The following NECAB2 variants were observed in gnomAD, a reference collection of about 807,000 sequenced individuals.
NECAB2 encodes the protein N-terminal EF-hand calcium-binding protein 2.
In NECAB2, 68 loss-of-function variants were observed where a neutral mutation model predicts 51.9. The ratio of observed to expected loss-of-function variants is 1.31; its 90% confidence interval spans 1.08 to 1.60. The LOEUF (loss-of-function observed/expected upper bound fraction) is 1.60, where lower values mean the gene tolerates loss of function less well. NECAB2 is among the 40% of genes most tolerant of loss of function. The pLI is 0.00. For missense variants in NECAB2, 854 were observed against 490.3 expected (o/e 1.74, Z -7.00); for synonymous variants, 329 against 203.5 (o/e 1.62, Z -5.25).
upstream of NECAB2, chr16:83,965,432 C>T (rs759145242): frequency 3.8e-6 from 6 of 1,590,694 alleles, no homozygotes; most frequent in African/African-American, 8.0e-5. Flanking sequence ...GGCCTCAGAC[C>T]CTGTCCTCAT....
In NECAB2 at chr16:84,001,841, C is replaced by A. The variant is rs2271298; in HGVS notation, c.1057C>A (p.Leu353Met). The change falls in exon 12 of 13, where the codon CTG (leucine) becomes ATG (methionine). Residue 353 changes from leucine to methionine, a missense_variant. Leu to Met is a conservative substitution (Grantham distance 15, BLOSUM62 2). Coordinates refer to ENST00000305202, the MANE Select transcript of NECAB2 (RefSeq NM_019065.3). ...GCGTCACAGGCACCTGCAGAGCCCC[C>A]TGTGTAAGGCGTTCCGGCACGTCAA... is the stretch of plus-strand genomic sequence containing the variant. ...EAWKRHLQSPLCKAFRHVKVD... is the reference protein window; with the variant it reads ...EAWKRHLQSPMCKAFRHVKVD... 4.2e-5 allele frequency: 67 copies of A among 1,613,860 alleles called. No homozygotes were observed. Among genetic ancestry groups the A allele is most frequent in the South Asian group, 8.8e-5 (8 of 91,084 alleles).
chr16:83,968,994 C>G (rs1188633410), intron 1 of NECAB2, 145 bp downstream of exon 1: 1 of 364,052 alleles, frequency 2.7e-6, no homozygotes, highest in Non-Finnish European at 4.0e-6. Flanking sequence ...CGTGCCGGAG[C>G]GGGAGCCCCC....
At chr16:83,989,625 C>A (rs2084596604) in intron 5 of NECAB2, among the ~76,000 whole-genome samples, 1 of 152,086 alleles carries the variant, frequency 6.6e-6, no homozygotes. Context: ...CCCAAGATCC[C>A]CCAACACAGC....
chr16:83,968,688 C>T lies in NECAB2; in HGVS notation c.40C>T (p.His14Tyr). ...GGCGCGCCTGTGCAGGGCCGGCGCGCACAGGCTGCTCCGGGAGCCGCCGCA... is the reference window on the plus strand; with the variant it reads ...GGCGCGCCTGTGCAGGGCCGGCGCGTACAGGCTGCTCCGGGAGCCGCCGCA... The part of the protein sequence containing the change: ...RAARLCRAGA[H>Y]RLLREPPQQG... The change falls in exon 1 of 13, where the codon CAC becomes TAC. Residue 14 changes from histidine (H) to tyrosine (Y), a missense_variant. Coordinates refer to ENST00000305202, the MANE Select transcript of NECAB2 (RefSeq NM_019065.3). 1.0e-6 allele frequency: 1 copy of T among 992,482 alleles called. No homozygotes were observed. Among genetic ancestry groups the T allele is most frequent in the Non-Finnish European group, 1.2e-6 (1 of 836,450 alleles). 61.5% of individuals were successfully genotyped at this position (992,482 alleles called of 1,614,324 possible).
chr16:84,000,623 C>T (rs188636325), intron 10 of NECAB2, 101 bp from the exon 11 acceptor site: 55 of 842,812 alleles, frequency 6.5e-5, no homozygotes, highest in African/African-American at 2.5e-4. Context: ...TGAAGGCAGC[C>T]GTTGTGTATA....
At chr16:83,973,838 G>C (rs961804137) in intron 2 of NECAB2, among the ~76,000 whole-genome samples, 1 of 152,146 alleles carries the variant, frequency 6.6e-6, no homozygotes, top group Admixed American at 6.5e-5. Context: ...TTGGGAATGC[G>C]TGTGTCCAGC....
At chr16:83,998,135 G>T in intron 9 of NECAB2, 70 bp from the exon 10 acceptor site, 2 of 1,380,204 alleles carry the variant, frequency 1.4e-6, no homozygotes, top group East Asian at 2.4e-5. Flanking sequence ...GAGGTCATGG[G>T]GGCCTGATGG....
intron 1 of NECAB2, among the ~76,000 whole-genome samples, chr16:83,970,599 G>C: frequency 6.6e-6 from 1 of 152,296 alleles, no homozygotes; most frequent in East Asian, 1.9e-4. Context: ...ACCCCAAGGC[G>C]AGGACAGAGG....
chr16:83,997,178 C>A (rs762107607), intron 8 of NECAB2, 38 bp from the exon 9 acceptor site: 2 of 1,613,546 alleles, frequency 1.2e-6, no homozygotes, highest in Non-Finnish European at 1.7e-6. Context: ...CGGAGTGGGG[C>A]TCTGGGTCTA....
Position 83,990,947 on chromosome 16 carries a change from C to T in NECAB2, c.596+317C>T, listed in dbSNP as rs181031357. Among the ~76,000 whole-genome samples the T allele has an allele frequency of 1.9e-3, 286 of 152,216 alleles. 4 individuals carry two copies. The highest frequency in any genetic ancestry group is 0.015 in the Admixed American group (228 of 15,292). Reference sequence around the variant, plus strand: ...TGCATCCACATGCTAATTGTTTATGCAGAACTATTCTGTTGTTTGGCCCAC... The same window carrying T: ...TGCATCCACATGCTAATTGTTTATGTAGAACTATTCTGTTGTTTGGCCCAC... On this transcript the variant is annotated intron_variant, in intron 6 of 12. Coordinates refer to ENST00000305202, the MANE Select transcript of NECAB2 (RefSeq NM_019065.3).
chr16:83,994,461 G>T lies in NECAB2; in HGVS notation c.715+41G>T, dbSNP rs551623990. ...GGCCCTGGTGGGGGTACCAGCTGGG[G>T]GTCCCGAGGAGTTCTGAGAGTCCTC... is the stretch of plus-strand genomic sequence containing the variant. On this transcript the variant is annotated intron_variant, in intron 7 of 12. Transcript: ENST00000305202. 2.5e-6 allele frequency: 4 copies of T among 1,606,748 alleles called. No individual in the cohort carries two copies. In the East Asian group the frequency reaches 8.9e-5, roughly 36 times the overall value.
intron 5 of NECAB2, among the ~76,000 whole-genome samples, chr16:83,985,790 C>G (rs1041746474): frequency 4.7e-4 from 72 of 152,008 alleles, no homozygotes; most frequent in African/African-American, 1.6e-3. Context: ...AAGGTTTCTA[C>G]TCTATTTTTT....
chr16:83,966,615 A>G (rs976797416), upstream of NECAB2, among the ~76,000 whole-genome samples: 16 of 151,942 alleles, frequency 1.1e-4, no homozygotes, highest in African/African-American at 3.9e-4. Context: ...AGCCTGTCCC[A>G]GGCCTCCCTC....
intron 5 of NECAB2, among the ~76,000 whole-genome samples, chr16:83,987,545 T>A (rs959092984): frequency 1.4e-4 from 22 of 152,194 alleles, no homozygotes; most frequent in African/African-American, 4.8e-4. Context: ...AGCCTTTTTT[T>A]ATGTGTATTT....
chr16:83,972,103 G>T, intron 1 of NECAB2, 48 bp from the exon 2 acceptor site: 1 of 1,611,480 alleles, frequency 6.2e-7, no homozygotes. Context: ...TGCAGGAAGC[G>T]CTTGCCTCTC....
chr16:83,983,966 C>A (rs1432095047), intron 5 of NECAB2, among the ~76,000 whole-genome samples: 1 of 150,200 alleles, frequency 6.7e-6, no homozygotes, highest in Non-Finnish European at 1.5e-5. Flanking sequence ...TTTCACTTGT[C>A]CATTGTAAAA....
intron 5 of NECAB2, among the ~76,000 whole-genome samples, chr16:83,982,506 C>T (rs2084500901): frequency 6.6e-6 from 1 of 152,314 alleles, no homozygotes; most frequent in Admixed American, 6.5e-5. Flanking sequence ...GCAATGCCAG[C>T]TCTGCTCCAA....
At chr16:83,980,668 G>T (rs889759429) in intron 3 of NECAB2, among the ~76,000 whole-genome samples, 171 bp from the exon 4 acceptor site, 1 of 152,148 alleles carries the variant, frequency 6.6e-6, no homozygotes, top group Admixed American at 6.5e-5. Flanking sequence ...GGGCCTTCAG[G>T]GGCGGGGGTG....
chr16:84,001,500 C>T (rs991865791), intron 11 of NECAB2, among the ~76,000 whole-genome samples: 4 of 152,120 alleles, frequency 2.6e-5, no homozygotes, highest in Admixed American at 6.5e-5. Context: ...AAAGCCTTCG[C>T]AGCTTCTGTG....
Sources: gnomAD v4.1 joint callset for allele counts (sites outside exome capture counted in the v4.1 genomes callset) on GRCh38, gnomAD v4.1.1 for gene constraint, MANE v1.5 for transcripts, NCBI Gene and HGNC (gene_info 2026-07-23, HGNC 2026-07-21) for gene names.